The following PCDHGA7 variants were observed in gnomAD, a reference collection of about 807,000 sequenced individuals.
PCDHGA7 encodes the protein protocadherin gamma subfamily A, 7, also known as protocadherin gamma-A7.
PCDHGA7 carries 44 observed loss-of-function variants against 58.3 expected under a neutral mutation model. The observed-to-expected ratio is 0.75, with a 90% confidence interval of 0.59 to 0.97. The LOEUF (loss-of-function observed/expected upper bound fraction) is 0.97. PCDHGA7 is among the 50% of genes least tolerant of loss of function. The pLI, the probability that PCDHGA7 is intolerant of heterozygous loss-of-function variation, is 0.00. For missense variants in PCDHGA7, 1,266 were observed against 1,188.7 expected (o/e 1.06, Z -0.96); for synonymous variants, 516 against 504.2 (o/e 1.02, Z -0.31).
intron 1 of PCDHGA7, chr5:141,398,001 A>T: frequency 5.0e-6 from 7 of 1,388,802 alleles, no homozygotes; most frequent in African/African-American, 4.4e-5. Flanking sequence ...CCTCCTCGGA[A>T]AAAGAATCGT....
chr5:141,444,467 G>A (rs1288596542), intron 1 of PCDHGA7, among the ~76,000 whole-genome samples: 3 of 151,998 alleles, frequency 2.0e-5, no homozygotes, highest in African/African-American at 4.8e-5. Flanking sequence ...CACTGCGCCC[G>A]GTCGCGTACT....
At chr5:141,433,272 C>A in intron 1 of PCDHGA7, 1 of 1,252,410 alleles carries the variant, frequency 8.0e-7, no homozygotes, top group Non-Finnish European at 1.1e-6. Context: ...TAGCTCACTG[C>A]AGCCTCAAAC....
At chr5:141,389,990 C>G (rs2091998485) in intron 1 of PCDHGA7, 2 of 1,614,044 alleles carry the variant, frequency 1.2e-6, no homozygotes, top group Non-Finnish European at 1.7e-6. Flanking sequence ...TGCTCTTCCT[C>G]GTGGCCATGA....
intron 1 of PCDHGA7, among the ~76,000 whole-genome samples, chr5:141,452,542 C>T (rs2098743637): frequency 6.6e-6 from 1 of 152,180 alleles, no homozygotes; most frequent in Admixed American, 6.6e-5. Flanking sequence ...CATATTGATA[C>T]CTCCAGTTCT....
intron 1 of PCDHGA7, chr5:141,423,758 G>GA: frequency 1.1e-5 from 4 of 366,840 alleles, no homozygotes; most frequent in South Asian, 8.5e-5. Flanking sequence ...TTTGGGGGGG[G>GA]GGTGGGGCGG....
chr5:141,505,704 G>A (rs770933428), intron 3 of PCDHGA7, among the ~76,000 whole-genome samples: 1 of 152,184 alleles, frequency 6.6e-6, no homozygotes, highest in Non-Finnish European at 1.5e-5. Context: ...GAGCGAACAA[G>A]GAAAAGACTC....
chr5:141,404,829 TGC>T lies in PCDHGA7; in HGVS notation c.2424+19509_2424+19510del, dbSNP rs774802551. 6.2e-6 allele frequency: 10 copies of T among 1,608,020 alleles called. No individual in the cohort carries two copies. In the Admixed American group the frequency reaches 1.7e-4, roughly 27 times the overall value. On this transcript the variant is annotated intron_variant, in intron 1 of 3. Coordinates refer to ENST00000518325, the MANE Select transcript of PCDHGA7 (RefSeq NM_018920.4). ...TCGGTGGGGCTGCACACAGGTGAAGTGCGCACAGCTCGGGCCCTGCTAGATAG... is the reference window on the plus strand; with the variant it reads ...TCGGTGGGGCTGCACACAGGTGAAGTGCACAGCTCGGGCCCTGCTAGATAG...
chr5:141,382,922 G>A lies in PCDHGA7; in HGVS notation c.23G>A (p.Gly8Glu), dbSNP rs760288273. MAAQPRG[G>E]DYRGFFLLSI... ...ACTATGGCGGCTCAGCCGAGGGGCG[G>A]GGACTACAGAGGATTCTTCCTGCTC... Residue 8 changes from glycine to glutamate, a missense_variant, in exon 1 of 4, where the codon GGG (glycine) becomes GAG (glutamate). Coordinates refer to ENST00000518325, the MANE Select transcript of PCDHGA7 (RefSeq NM_018920.4). 2.2e-5 allele frequency: 35 copies of A among 1,561,514 alleles called. No homozygotes were observed. The highest frequency in any genetic ancestry group is 2.9e-5 in the Non-Finnish European group (33 of 1,153,156).
chr5:141,427,705 C>T (rs2097059995), intron 1 of PCDHGA7: 1 of 983,052 alleles, frequency 1.0e-6, no homozygotes, highest in African/African-American at 1.6e-5. Flanking sequence ...CAAGTCAGCG[C>T]CTCTGACCTG....
intron 1 of PCDHGA7, chr5:141,423,595 G>A: frequency 6.2e-7 from 1 of 1,613,216 alleles, no homozygotes; most frequent in Non-Finnish European, 8.5e-7. Flanking sequence ...TGAGAAAAGC[G>A]AGCCACTCTT....
intron 1 of PCDHGA7, chr5:141,398,812 C>T (rs1255452758): frequency 1.9e-6 from 3 of 1,613,824 alleles, no homozygotes; most frequent in Admixed American, 3.3e-5. Context: ...CACTGAGCTC[C>T]GGATCCAGGT....
chr5:141,387,473 G>T (rs1032850562), intron 1 of PCDHGA7, among the ~76,000 whole-genome samples: 4 of 152,190 alleles, frequency 2.6e-5, no homozygotes, highest in Non-Finnish European at 4.4e-5. Context: ...CCTCAAAGTT[G>T]GGATGAAGGC....
chr5:141,465,030 C>T (rs922114985), intron 1 of PCDHGA7, among the ~76,000 whole-genome samples: 2 of 152,086 alleles, frequency 1.3e-5, no homozygotes, highest in Non-Finnish European at 1.5e-5. Context: ...CCATGAACCA[C>T]CACAAATGAC....
rs539406412 is a variant in PCDHGA7, at chr5:141,427,895, G to A, written c.2424+42572G>A. ...CGATGCAGGCCCACGACCAGGGCTCGCCCGCGCTCAGCGCCAACATGAGCC... is the reference window on the plus strand; with the variant it reads ...CGATGCAGGCCCACGACCAGGGCTCACCCGCGCTCAGCGCCAACATGAGCC... On this transcript the variant is annotated intron_variant, in intron 1 of 3. Transcript: ENST00000518325. 373 of 1,569,222 alleles carry A rather than the reference G, an allele frequency of 2.4e-4. 2 individuals are homozygous for A. In the South Asian group the frequency reaches 3.9e-3, roughly 17 times the overall value.
chr5:141,510,837 GTCAAGGCCCAGGGTGC>G, intron 3 of PCDHGA7, 94 bp from the exon 4 acceptor site: 1 of 1,586,392 alleles, frequency 6.3e-7, no homozygotes, highest in Non-Finnish European at 8.6e-7. Flanking sequence ...GCTCAGCGTG[GTCAAGGCCCAGGGTGC>G]TGTATAGGCA....
chr5:141,460,614 G>A (rs10058360), intron 1 of PCDHGA7, among the ~76,000 whole-genome samples: 42,418 of 151,914 alleles, frequency 0.28, 6,648 homozygotes, highest in African/African-American at 0.43. Flanking sequence ...TAGATGGATA[G>A]ATAGACAGAT....
At position 141,486,348 on chromosome 5, in the gene PCDHGA7, A is replaced by G. The variant is rs754981437; in HGVS notation, c.2425-8459A>G. ...GATGTGAGCCTCCGCATTCCTGACC[A>G]CTTGCCATTTGCCCTCAAGTCTGCC... is the stretch of plus-strand genomic sequence containing the variant. On this transcript the variant is annotated intron_variant, in intron 1 of 3. Transcript: ENST00000518325. The surrounding 1 kb of genome is among the most constrained non-coding windows in gnomAD (Gnocchi z 5.0). 1.9e-6 allele frequency: 3 copies of G among 1,613,900 alleles called. No individual in the cohort carries two copies. The highest frequency in any genetic ancestry group is 2.5e-6 in the Non-Finnish European group (3 of 1,179,996).
chr5:141,430,615 A>G, intron 1 of PCDHGA7: 1 of 686,990 alleles, frequency 1.5e-6, no homozygotes, highest in Non-Finnish European at 2.2e-6. Context: ...CAAAGCAGAT[A>G]GCTAGGAATG....
Position 141,485,746 on chromosome 5 carries a change from C to T in PCDHGA7, c.2425-9061C>T, listed in dbSNP as rs1297635523. ...AGAAGCGCAGCGACGGCAGCCTGGT[C>T]CCAGAGCTGCTCCTGGAGAAGCCTT... On this transcript the variant is annotated intron_variant, in intron 1 of 3. Coordinates refer to ENST00000518325, the MANE Select transcript of PCDHGA7 (RefSeq NM_018920.4). The surrounding 1 kb of genome is among the most constrained non-coding windows in gnomAD (Gnocchi z 5.7). 6.2e-7 allele frequency: 1 copy of T among 1,614,128 alleles called. No individual in the cohort carries two copies. The highest frequency in any genetic ancestry group is 2.2e-5 in the East Asian group (1 of 44,880).
Sources: gnomAD v4.1 joint callset for allele counts (sites outside exome capture counted in the v4.1 genomes callset) on GRCh38, gnomAD v4.1.1 for gene constraint, Gnocchi (gnomAD v3.1) non-coding constraint, MANE v1.5 for transcripts, NCBI Gene and HGNC (gene_info 2026-07-23, HGNC 2026-07-21) for gene names.